Variants in RFC1 observed in about 807,000 individuals in gnomAD.
The protein encoded by RFC1 is A1 140 kDa subunit.
Under a neutral mutation model 137.4 loss-of-function variants are expected in RFC1, and 37 were observed. The observed-to-expected ratio is 0.27, with a 90% confidence interval of 0.21 to 0.35. The LOEUF (loss-of-function observed/expected upper bound fraction) is 0.35. Ranked by LOEUF, RFC1 falls within the 10% of genes least tolerant of loss-of-function variation. RFC1 has a pLI of 1.00. For synonymous variants in RFC1, 429 were observed against 455.7 expected, an observed-to-expected ratio of 0.94 and a Z score of 0.75; for missense variants, 1,205 against 1,358.5, an observed-to-expected ratio of 0.89 and a Z score of 1.78.
chr4:39,366,131 C>T, intron 1 of RFC1, 108 bp downstream of exon 1: 3 of 1,257,214 alleles, frequency 2.4e-6, no homozygotes, highest in Non-Finnish European at 3.2e-6. Context: ...CCTCCGGAAC[C>T]ACCCACCGCC....
intron 21 of RFC1, chr4:39,297,587 G>A (rs576345064): frequency 6.6e-6 from 1 of 152,238 alleles, no homozygotes; most frequent in East Asian, 1.9e-4. Context: ...TATTTCTGAG[G>A]GCTCTGTTCT....
chr4:39,312,598 C>T lies in RFC1; in HGVS notation c.1383+154G>A, dbSNP rs17335104. 3.9e-3 allele frequency among the ~76,000 whole-genome samples: 588 copies of T among 152,246 alleles called. 2 individuals carry two copies. Among genetic ancestry groups the T allele is most frequent in the African/African-American group, 0.013 (526 of 41,528 alleles). On this transcript the variant is annotated intron_variant, in intron 11 of 24. Transcript: ENST00000349703. The stretch of plus-strand genomic sequence containing the variant: ...GAAAACCAAAATCCTGGTGTCAGAG[C>T]CAATAACACTTCTGTGGAGAAGAAA...
intron 20 of RFC1, 24 bp downstream of exon 20, chr4:39,300,236 C>G: frequency 6.2e-7 from 1 of 1,613,846 alleles, no homozygotes; most frequent in Non-Finnish European, 8.5e-7. Context: ...CTAAGCACAC[C>G]TCTCACCAGC....
At chr4:39,309,135 G>A in intron 12 of RFC1, 103 bp from the exon 13 acceptor site, 3 of 1,262,044 alleles carry the variant, frequency 2.4e-6, no homozygotes, top group Non-Finnish European at 3.2e-6. Context: ...ATCCAAGTGG[G>A]CTACTCAACC....
At chr4:39,325,898 T>A (rs1002075926) in intron 6 of RFC1, among the ~76,000 whole-genome samples, 44 of 152,188 alleles carry the variant, frequency 2.9e-4, no homozygotes, top group Non-Finnish European at 1.5e-4. Flanking sequence ...AATTTTCTTT[T>A]AAGATCCACC....
intron 4 of RFC1, 23 bp downstream of exon 4, chr4:39,342,322 C>T (rs775850734): frequency 6.2e-7 from 1 of 1,605,600 alleles, no homozygotes; most frequent in South Asian, 1.1e-5. Flanking sequence ...CACGGCATCT[C>T]ATATACCACA....
rs200241928 is a variant in RFC1, at chr4:39,323,464, C to T, written c.643-47G>A. On this transcript the variant is annotated intron_variant, in intron 6 of 24. Coordinates refer to ENST00000349703, the MANE Select transcript of RFC1 (RefSeq NM_002913.5). ...TGAGTTGAGTTGCTCTTTTTCTTTT[C>T]GTAAATAGAATTTTTAAATGTCTGA... 8.3e-5 allele frequency: 123 copies of T among 1,487,884 alleles called. 1 individual carries two copies. The highest frequency in any genetic ancestry group is 2.4e-4 in the African/African-American group (17 of 72,168). 92.2% of individuals were successfully genotyped at this position (1,487,884 alleles called of 1,614,324 possible).
At chr4:39,356,426 T>G (rs951621131) in intron 1 of RFC1, among the ~76,000 whole-genome samples, 3 of 152,094 alleles carry the variant, frequency 2.0e-5, no homozygotes, top group East Asian at 3.9e-4. Flanking sequence ...ATTGAACACA[T>G]GAACGGTTAT....
At chr4:39,292,925 G>A (rs1324944781) in intron 22 of RFC1, among the ~76,000 whole-genome samples, 3 of 152,018 alleles carry the variant, frequency 2.0e-5, no homozygotes, top group African/African-American at 4.8e-5. Flanking sequence ...GATTACAGAC[G>A]TGAGCCACCG....
chr4:39,358,768 T>G (rs1201301409), intron 1 of RFC1, among the ~76,000 whole-genome samples: 2 of 152,194 alleles, frequency 1.3e-5, no homozygotes, highest in Non-Finnish European at 1.5e-5. Context: ...AAACTTTGTA[T>G]CCAATGTTAG....
intron 1 of RFC1, among the ~76,000 whole-genome samples, chr4:39,359,866 G>C (rs1175589074): frequency 6.6e-6 from 1 of 151,120 alleles, no homozygotes; most frequent in Non-Finnish European, 1.5e-5. Context: ...TGGGGAGTCA[G>C]GGAAACGGTG....
intron 2 of RFC1, among the ~76,000 whole-genome samples, chr4:39,347,349 G>C (rs1740907163): frequency 6.6e-6 from 1 of 152,172 alleles, no homozygotes; most frequent in South Asian, 2.1e-4. Flanking sequence ...AATTCCTCCT[G>C]CCCGACTGCC....
intron 2 of RFC1, 114 bp downstream of exon 2, chr4:39,351,234 G>C: frequency 1.6e-6 from 1 of 633,962 alleles, no homozygotes. Flanking sequence ...CTGGGCGACA[G>C]AGCAAGACTC....
intron 9 of RFC1, among the ~76,000 whole-genome samples, chr4:39,319,294 G>C (rs1027173088): frequency 6.6e-6 from 1 of 152,192 alleles, no homozygotes; most frequent in Non-Finnish European, 1.5e-5. Flanking sequence ...ACTGGCTCCA[G>C]AGCCTGTGTG....
intron 9 of RFC1, among the ~76,000 whole-genome samples, chr4:39,318,756 AAT>A (rs1739373539): frequency 1.3e-5 from 2 of 152,250 alleles, no homozygotes; most frequent in African/African-American, 4.8e-5. Context: ...TCAAAAAGTT[AAT>A]TGCTCCTTTA....
At chr4:39,331,038 G>A (rs1218943708) in intron 4 of RFC1, among the ~76,000 whole-genome samples, 2 of 152,038 alleles carry the variant, frequency 1.3e-5, no homozygotes, top group Admixed American at 1.3e-4. Flanking sequence ...ACAGCCACGT[G>A]GATCACCCAT....
chr4:39,365,323 C>A (rs974679613), intron 1 of RFC1: 2 of 353,796 alleles, frequency 5.7e-6, no homozygotes, highest in African/African-American at 2.2e-5. Context: ...CCGCCCCCCC[C>A]CAGAATGTTG....
intron 24 of RFC1, 176 bp downstream of exon 24, chr4:39,289,672 T>C (rs1469541525): frequency 1.8e-6 from 1 of 561,538 alleles, no homozygotes; most frequent in Non-Finnish European, 3.1e-6. Flanking sequence ...TCGACTACCA[T>C]AAGAAACTTT....
At chr4:39,329,155 C>CAAAAAAAAAAAAAAAAAAA (rs1739952751) in intron 4 of RFC1, among the ~76,000 whole-genome samples, 2 of 38,538 alleles carry the variant, frequency 5.2e-5, no homozygotes, top group Admixed American at 3.0e-4. Flanking sequence ...AAAAAAAAAG[C>CAAAAAAAAAAAAAAAAAAA]TTTTCGATTT....
Sources: allele counts gnomAD v4.1 joint callset (sites outside exome capture counted in the v4.1 genomes callset), GRCh38; gene constraint gnomAD v4.1.1; transcripts MANE v1.5; gene names NCBI Gene and HGNC (gene_info 2026-07-23, HGNC 2026-07-21).